Variants in SETD1B observed in about 807,000 individuals in gnomAD.
SETD1B encodes histone-lysine N-methyltransferase SETD1B.
In SETD1B, 7 loss-of-function variants were observed where a neutral mutation model predicts 148.0. The ratio of observed to expected loss-of-function variants is 0.05; its 90% CI spans 0.03 to 0.09. SETD1B has a LOEUF of 0.09. Ranked by LOEUF, SETD1B falls within the 10% of genes least tolerant of loss-of-function variation. The pLI, the probability that SETD1B is intolerant of heterozygous loss-of-function variation, is 1.00. For missense variants in SETD1B, 2,155 were observed against 2,729.9 expected, an observed-to-expected ratio of 0.79 and a Z score of 4.69; for synonymous variants, 1,361 against 1,186.5, an observed-to-expected ratio of 1.15 and a Z score of -3.02.
chr12:121,796,551 A>G, the SETD1B span, among the ~76,000 whole-genome samples: 1 of 152,214 alleles, frequency 6.6e-6, no homozygotes, highest in Non-Finnish European at 1.5e-5. Flanking sequence ...ATGAGGCAGA[A>G]GACACTCAGC....
upstream of SETD1B, chr12:121,799,250 T>C (rs1592965735): frequency 6.6e-6 from 1 of 152,130 alleles, no homozygotes; most frequent in Non-Finnish European, 1.5e-5. Context: ...GCTCGCCAGG[T>C]TTCAAATCCA....
chr12:121,830,092 G>T lies in SETD1B; in HGVS notation c.5754G>T (p.Thr1918=). 6.4e-7 allele frequency: 1 copy of T among 1,551,314 alleles called. No homozygotes were observed. Among genetic ancestry groups the T allele is most frequent in the South Asian group, 1.2e-5 (1 of 84,054 alleles). ...CNPNCYAKVI[T]VESQKKIVIY... The stretch of plus-strand genomic sequence containing the variant: ...CCAACTGCTATGCCAAGGTGATCAC[G>T]GTGGAGTCACAGAAGAAGATAGTCA... Residue 1918 remains threonine (T), a synonymous_variant, in exon 17 of 17, where the codon ACG becomes ACT. Coordinates refer to ENST00000604567, the MANE Select transcript of SETD1B (RefSeq NM_001353345.2). The surrounding 1 kb of genome is among the most constrained non-coding windows in gnomAD (Gnocchi z 5.7).
In SETD1B at chr12:121,804,674, G is replaced by T; in HGVS notation, c.-14-50G>T. 1 of 1,496,944 alleles carries T rather than the reference G, an allele frequency of 6.7e-7. No individual in the cohort carries two copies. Among genetic ancestry groups the T allele is most frequent in the Non-Finnish European group, 9.0e-7 (1 of 1,109,090 alleles). 92.7% of individuals were successfully genotyped at this position (1,496,944 alleles called of 1,614,324 possible). The stretch of plus-strand genomic sequence containing the variant: ...GATTCTTTCGCGTGTGTGTAGAAGC[G>T]GCCGCCGCCGCCGCCGCGGCGGAGA... On this transcript the variant is annotated intron_variant, in intron 1 of 16. Coordinates refer to ENST00000604567, the MANE Select transcript of SETD1B (RefSeq NM_001353345.2). This position sits in a 1 kb window ranked among gnomAD's most constrained non-coding sequence, Gnocchi z 4.6.
rs114453657 is a variant in SETD1B at position 121,808,350 on chromosome 12, C to T, written c.657+30C>T. The T allele has an allele frequency of 9.1e-4, 1,343 of 1,480,060 alleles. 16 individuals carry two copies. In the African/African-American group the frequency reaches 0.017, roughly 19 times the overall value. 91.7% of individuals were successfully genotyped at this position (1,480,060 alleles called of 1,614,324 possible). Reference sequence around the variant, plus strand: ...GTTTATGGCCGTCAGTCTGCCCCATCGCCAGCTCTTTGATGTGCCCCCCAC... The same window carrying T: ...GTTTATGGCCGTCAGTCTGCCCCATTGCCAGCTCTTTGATGTGCCCCCCAC... On this transcript the variant is annotated intron_variant, in intron 5 of 16. Coordinates refer to ENST00000604567, the MANE Select transcript of SETD1B (RefSeq NM_001353345.2). The surrounding 1 kb of genome is among the most constrained non-coding windows in gnomAD (Gnocchi z 5.3).
chr12:121,800,624 G>A (rs1875295099), upstream of SETD1B: 1 of 150,804 alleles, frequency 6.6e-6, no homozygotes, highest in Admixed American at 6.6e-5. Flanking sequence ...TGGGCCGCCG[G>A]GTCGCCCAGC....
Position 121,831,865 on chromosome 12 carries a change from T to A in SETD1B, c.*1626T>A, listed in dbSNP as rs1877111148. The A allele has an allele frequency of 6.6e-6, 1 of 151,352 alleles. No homozygotes were observed. The highest frequency in any genetic ancestry group is 1.5e-5 in the Non-Finnish European group (1 of 67,866). The allele number at this position is 151,352 out of a possible 1,614,324, so 9.4% of individuals were successfully genotyped here. A position where few individuals can be genotyped will look rare whatever the true frequency, so the allele number is the denominator to read the frequency against. ...AGAATTGTTATTTTTCTCTTTTTTG[T>A]TGTTGGTGGTTTTGTTGTGTGTTTT... On this transcript the variant is annotated 3_prime_UTR_variant, in exon 17 of 17. Transcript: ENST00000604567.
intron 16 of SETD1B, 137 bp from the exon 17 acceptor site, chr12:121,829,929 T>C (rs559555473): frequency 3.0e-5 from 21 of 698,772 alleles, no homozygotes; most frequent in Admixed American, 6.1e-5. Context: ...GGAGCCAAGG[T>C]CCAGAGCAGA....
Position 121,804,979 on chromosome 12 carries a change from G to A in SETD1B, c.174+68G>A, listed in dbSNP as rs960706773. The A allele has an allele frequency of 1.4e-5, 20 of 1,466,852 alleles. No homozygotes were observed. In the African/African-American group the frequency reaches 2.7e-4, roughly 20 times the overall value. 90.9% of individuals were successfully genotyped at this position (1,466,852 alleles called of 1,614,324 possible). ...TCCGGGGAGACGCGCCTAGCGGCCA[G>A]GGACCCCCCGCCCGATCCCCCGGCC... On this transcript the variant is annotated intron_variant, in intron 2 of 16. Coordinates refer to ENST00000604567, the MANE Select transcript of SETD1B (RefSeq NM_001353345.2). This position sits in a 1 kb window ranked among gnomAD's most constrained non-coding sequence, Gnocchi z 4.6.
chr12:121,823,819 C>T, intron 12 of SETD1B, 70 bp downstream of exon 12: 2 of 1,475,936 alleles, frequency 1.4e-6, no homozygotes, highest in Non-Finnish European at 1.8e-6. Flanking sequence ...TCTCTGGGCC[C>T]CACCACCCAG....
chr12:121,791,660 T>G, the SETD1B span, among the ~76,000 whole-genome samples: 2 of 152,202 alleles, frequency 1.3e-5, no homozygotes, highest in African/African-American at 4.8e-5. Context: ...CTCTGACATG[T>G]TCCTTGAGCA....
At position 121,823,308 on chromosome 12, in the gene SETD1B, G is replaced by A. The variant is rs756132091; in HGVS notation, c.4729G>A (p.Ala1577Thr). 2.8e-5 allele frequency: 43 copies of A among 1,547,836 alleles called. No individual in the cohort carries two copies. Among genetic ancestry groups the A allele is most frequent in the African/African-American group, 5.5e-5 (4 of 72,780 alleles). ...GACGGTGACCCTGGACTTCCGGAAC[G>A]CGGGGATCCCAGCCCCTCCACCACC... The part of the protein sequence containing the change: ...PRTVTLDFRN[A>T]GIPAPPPPLP... Residue 1577 changes from alanine to threonine, a missense_variant, in exon 12 of 17, where the codon GCG becomes ACG. Ala to Thr is a moderately conservative substitution (Grantham distance 58, BLOSUM62 0). Coordinates refer to ENST00000604567, the MANE Select transcript of SETD1B (RefSeq NM_001353345.2).
At chr12:121,793,321 C>T in the SETD1B span, 3 of 1,459,338 alleles carry the variant, frequency 2.1e-6, no homozygotes, top group African/African-American at 2.8e-5. Flanking sequence ...CCACCCCCCT[C>T]ACTCGTCCCG....
At chr12:121,799,736 T>A (rs868312595), upstream of SETD1B, 1 of 30,934 alleles carries the variant, frequency 3.2e-5, no homozygotes, top group African/African-American at 1.1e-4. Flanking sequence ...GGGGGTGGGG[T>A]GGGGCGGGGC....
At position 121,825,291 on chromosome 12, in the gene SETD1B, C is replaced by T; in HGVS notation, c.5262C>T (p.Thr1754=). 2 of 1,551,890 alleles carry T rather than the reference C, an allele frequency of 1.3e-6. No individual in the cohort carries two copies. Among genetic ancestry groups the T allele is most frequent in the Non-Finnish European group, 1.7e-6 (2 of 1,147,074 alleles). Residue 1754 remains threonine (T), a synonymous_variant, in exon 13 of 17, where the codon ACC becomes ACT. Transcript: ENST00000604567. ...GTGCCCGCAGTGAGGGCTTCTACAC[C>T]ATCGACAAGAAGGACAAGCTCAGAT... ...TGCARSEGFY[T]IDKKDKLRYL...
At chr12:121,809,469 C>A in intron 5 of SETD1B, 134 bp from the exon 6 acceptor site, 1 of 973,202 alleles carries the variant, frequency 1.0e-6, no homozygotes, top group Non-Finnish European at 1.5e-6. Flanking sequence ...CAATCTCCCC[C>A]ACTTCCATTC....
rs1161677745 is a variant in SETD1B, at chr12:121,810,673, C to G, written c.1728C>G (p.Pro576=). The G allele has an allele frequency of 1.3e-6, 2 of 1,550,156 alleles. No individual in the cohort carries two copies. Among genetic ancestry groups the G allele is most frequent in the Admixed American group, 3.9e-5 (2 of 50,976 alleles). ...STGLEDISPT[P]LPDSDEDEEL... is the part of the protein sequence containing the mutation. ...GCCTGGAGGATATCAGCCCAACACC[C>G]CTCCCAGACTCCGACGAGGACGAGG... The change falls in exon 6 of 17, where the codon CCC becomes CCG. Residue 576 remains proline (P), a synonymous_variant. Coordinates refer to ENST00000604567, the MANE Select transcript of SETD1B (RefSeq NM_001353345.2). This position sits in a 1 kb window ranked among gnomAD's most constrained non-coding sequence, Gnocchi z 7.6.
chr12:121,805,108 C>G lies in SETD1B; in HGVS notation c.175-10C>G, dbSNP rs1364423032. The G allele has an allele frequency of 6.4e-7, 1 of 1,551,110 alleles. No individual in the cohort carries two copies. Among genetic ancestry groups the G allele is most frequent in the East Asian group, 2.4e-5 (1 of 40,906 alleles). On this transcript the variant is annotated splice_polypyrimidine_tract_variant and intron_variant, in intron 2 of 16. Coordinates refer to ENST00000604567, the MANE Select transcript of SETD1B (RefSeq NM_001353345.2). The surrounding 1 kb of genome is among the most constrained non-coding windows in gnomAD (Gnocchi z 4.2). Reference sequence around the variant, plus strand: ...TTCTCTCATCCCGGCCCCCCAATTTCTCCCCACAGATGTCCAGCAACCGCC... The same window carrying G: ...TTCTCTCATCCCGGCCCCCCAATTTGTCCCCACAGATGTCCAGCAACCGCC...
chr12:121,810,537 G>T lies in SETD1B; in HGVS notation c.1592G>T (p.Ser531Ile). 6.5e-7 allele frequency: 1 copy of T among 1,546,542 alleles called. No individual in the cohort carries two copies. ...DSDTELQMEG[S>I]PISSSSSQLS... ...GACACCGAGCTGCAGATGGAGGGCA[G>T]CCCCATCTCCTCCTCCTCCTCCCAG... is the stretch of plus-strand genomic sequence containing the variant. Residue 531 changes from serine to isoleucine, a missense_variant, in exon 6 of 17, where the codon AGC becomes ATC. This residue lies in a region of SETD1B where 295 missense variants were observed against 303.8 expected (regional missense o/e 0.97). Coordinates refer to ENST00000604567, the MANE Select transcript of SETD1B (RefSeq NM_001353345.2). The surrounding 1 kb of genome is among the most constrained non-coding windows in gnomAD (Gnocchi z 7.6).
Position 121,810,580 on chromosome 12 carries a change from C to T in SETD1B, c.1635C>T (p.Pro545=). The change falls in exon 6 of 17, where the codon CCC becomes CCT. Residue 545 remains proline (P), a synonymous_variant. Coordinates refer to ENST00000604567, the MANE Select transcript of SETD1B (RefSeq NM_001353345.2). The surrounding 1 kb of genome is among the most constrained non-coding windows in gnomAD (Gnocchi z 7.6). ...CCTCCCAGCTCTCCCCACTGGCCCC[C>T]TTTGGCACCAACTCCCAGCCAGGCT... ...SSSSQLSPLA[P]FGTNSQPGFR... The T allele has an allele frequency of 6.5e-7, 1 of 1,548,390 alleles. No individual in the cohort carries two copies. The highest frequency in any genetic ancestry group is 8.7e-7 in the Non-Finnish European group (1 of 1,146,896).
Sources: gnomAD v4.1 joint callset for allele counts (sites outside exome capture counted in the v4.1 genomes callset) on GRCh38, gnomAD v4.1.1 for gene constraint, gnomAD v4.1.1 regional missense constraint, Gnocchi (gnomAD v3.1) non-coding constraint, MANE v1.5 for transcripts, NCBI Gene and HGNC (gene_info 2026-07-23, HGNC 2026-07-21) for gene names.